The following CCL17 variants were observed in gnomAD, a reference collection of about 807,000 sequenced individuals.
CCL17 encodes the protein C-C motif chemokine ligand 17.
CCL17 carries 8 observed loss-of-function variants against 7.4 expected under a neutral mutation model. The observed-to-expected ratio is 1.09, with a 90% CI of 0.64 to 1.96. The LOEUF is 1.96. Among genes scored for constraint, CCL17 ranks in the 30% most tolerant of loss-of-function variants. The pLI, the probability that CCL17 is intolerant of heterozygous loss-of-function variation, is 0.00. For synonymous variants in CCL17, 40 were observed against 46.1 expected, an observed-to-expected ratio of 0.87 and a Z score of 0.54; for missense variants, 102 against 113.0, an observed-to-expected ratio of 0.90 and a Z score of 0.44.
upstream of CCL17, among the ~76,000 whole-genome samples, chr16:57,400,469 GTTCT>G (rs1902577357): frequency 6.6e-6 from 1 of 151,672 alleles, no homozygotes; most frequent in Non-Finnish European, 1.5e-5. Flanking sequence ...GTGGGTTTCA[GTTCT>G]TTGACACTTT....
At chr16:57,400,358 CA>C (rs1167210431), upstream of CCL17, among the ~76,000 whole-genome samples, 90 of 146,474 alleles carry the variant, frequency 6.1e-4, no homozygotes, top group East Asian at 2.4e-3. Context: ...GACTCCGTCT[CA>C]AAAAAAAAAT....
upstream of CCL17, among the ~76,000 whole-genome samples, chr16:57,403,496 A>T (rs1598009032): frequency 1.2e-4 from 3 of 24,214 alleles, no homozygotes; most frequent in African/African-American, 7.2e-4. Flanking sequence ...TAATATATAT[A>T]TTATAATATA....
chr16:57,397,232 G>A, the CCL17 span, among the ~76,000 whole-genome samples: 294 of 152,342 alleles, frequency 1.9e-3, 1 homozygote, highest in East Asian at 9.2e-3. Flanking sequence ...TTGACTACTT[G>A]TCGGATGGTC....
At chr16:57,411,224 G>A (rs1902780086) in intron 1 of CCL17, among the ~76,000 whole-genome samples, 1 of 152,124 alleles carries the variant, frequency 6.6e-6, no homozygotes, top group East Asian at 1.9e-4. Flanking sequence ...CCCTATGAGG[G>A]GTCAGGGCCT....
intron 1 of CCL17, among the ~76,000 whole-genome samples, chr16:57,413,464 T>C (rs1297944203): frequency 3.9e-5 from 6 of 152,144 alleles, no homozygotes; most frequent in African/African-American, 1.4e-4. Context: ...AGCTCACTCA[T>C]GGTCCAGGAG....
upstream of CCL17, among the ~76,000 whole-genome samples, chr16:57,403,594 T>A (rs1268882467): frequency 2.7e-4 from 17 of 63,888 alleles, no homozygotes; most frequent in East Asian, 2.1e-3. Flanking sequence ...TAATATATAT[T>A]TATAATATAT....
chr16:57,409,667 T>A (rs1462216851), intron 1 of CCL17, among the ~76,000 whole-genome samples: 1 of 152,108 alleles, frequency 6.6e-6, no homozygotes, highest in Non-Finnish European at 1.5e-5. Context: ...ACTTCGCTGA[T>A]GGACTGGATG....
At position 57,415,697 on chromosome 16, in the gene CCL17, G is replaced by T. The variant is rs544534438; in HGVS notation, c.189-68G>T. ...TTGGAATCCTGGTCAGCACAGGGCG[G>T]GCCGTCCCAGGGACTCTGGGGGCCC... is the stretch of plus-strand genomic sequence containing the variant. On this transcript the variant is annotated intron_variant, in intron 3 of 3. Transcript: ENST00000219244. The surrounding 1 kb of genome is among the most constrained non-coding windows in gnomAD (Gnocchi z 4.5). 141 of 985,564 alleles carry T rather than the reference G, an allele frequency of 1.4e-4. No homozygotes were observed. The highest frequency in any genetic ancestry group is 2.2e-4 in the Non-Finnish European group (137 of 623,020). 61.1% of individuals were successfully genotyped at this position (985,564 alleles called of 1,614,324 possible). A position where few individuals can be genotyped will look rare whatever the true frequency, so the allele number is the denominator to read the frequency against.
chr16:57,401,438 C>T (rs568603417), upstream of CCL17, among the ~76,000 whole-genome samples: 5 of 151,136 alleles, frequency 3.3e-5, no homozygotes, highest in East Asian at 1.9e-4. Flanking sequence ...GTGGGAGAGT[C>T]GCTTGAACCC....
At chr16:57,408,699 G>A (rs1031610320) in intron 1 of CCL17, among the ~76,000 whole-genome samples, 2 of 151,796 alleles carry the variant, frequency 1.3e-5, no homozygotes, top group African/African-American at 2.4e-5. Flanking sequence ...CTCCCGAGCA[G>A]CTGGGATTAC....
chr16:57,405,967 G>A (rs375869765), intron 1 of CCL17, among the ~76,000 whole-genome samples: 61 of 152,126 alleles, frequency 4.0e-4, no homozygotes, highest in African/African-American at 1.3e-3. Context: ...GCGTGAACCC[G>A]GGAGGTGGAG....
intron 1 of CCL17, among the ~76,000 whole-genome samples, chr16:57,407,575 T>C (rs1902715123): frequency 6.6e-6 from 1 of 152,146 alleles, no homozygotes; most frequent in African/African-American, 2.4e-5. Context: ...TCATCATCTA[T>C]CAAGCCATGC....
the CCL17 span, among the ~76,000 whole-genome samples, chr16:57,397,100 A>T: frequency 6.6e-6 from 1 of 152,208 alleles, no homozygotes; most frequent in Non-Finnish European, 1.5e-5. Flanking sequence ...AATCCCCTTG[A>T]CTTAGGCATA....
intron 1 of CCL17, among the ~76,000 whole-genome samples, chr16:57,407,494 G>T (rs1685640828): frequency 6.6e-6 from 1 of 152,132 alleles, no homozygotes; most frequent in Non-Finnish European, 1.5e-5. Flanking sequence ...TGTGAGTTGG[G>T]CCCATGTTGT....
the CCL17 span, among the ~76,000 whole-genome samples, chr16:57,396,625 T>C: frequency 6.6e-6 from 1 of 152,232 alleles, no homozygotes; most frequent in African/African-American, 2.4e-5. Context: ...GCAGGGAGTA[T>C]GTTTGCCATT....
At chr16:57,414,312 T>G (rs1305178306) in intron 2 of CCL17, among the ~76,000 whole-genome samples, 5 of 151,790 alleles carry the variant, frequency 3.3e-5, no homozygotes, top group African/African-American at 1.2e-4. Context: ...TTCTCAAAAT[T>G]ATTTATTAGC....
At chr16:57,400,667 G>A (rs1163647270), upstream of CCL17, among the ~76,000 whole-genome samples, 1 of 152,070 alleles carries the variant, frequency 6.6e-6, no homozygotes, top group East Asian at 1.9e-4. Context: ...AAGGCACAGA[G>A]AGATTCAGAA....
At chr16:57,397,481 G>A in the CCL17 span, among the ~76,000 whole-genome samples, 181 of 152,308 alleles carry the variant, frequency 1.2e-3, no homozygotes, top group Admixed American at 2.7e-3. Context: ...CCTTCTCTAG[G>A]TATTTCTAAT....
chr16:57,406,162 G>A (rs1902693559), intron 1 of CCL17, among the ~76,000 whole-genome samples: 1 of 152,208 alleles, frequency 6.6e-6, no homozygotes, highest in Non-Finnish European at 1.5e-5. Flanking sequence ...GCTTGCTCCT[G>A]CCACCAGCTA....
Sources: gnomAD v4.1 joint callset for allele counts (sites outside exome capture counted in the v4.1 genomes callset) on GRCh38, gnomAD v4.1.1 for gene constraint, Gnocchi (gnomAD v3.1) non-coding constraint, MANE v1.5 for transcripts, NCBI Gene and HGNC (gene_info 2026-07-23, HGNC 2026-07-21) for gene names.